Variants in THRB observed in about 807,000 individuals in gnomAD.
The protein encoded by THRB is thyroid hormone receptor beta.
In THRB, 12 loss-of-function variants were observed where a neutral mutation model predicts 47.8. The observed-to-expected ratio is 0.25, with a 90% CI of 0.16 to 0.41. The LOEUF is 0.41. Among genes scored for constraint, THRB ranks in the 10% least tolerant of loss-of-function variants. THRB has a pLI of 1.00. For missense variants in THRB, 348 were observed against 589.2 expected (o/e 0.59, Z 4.24); for synonymous variants, 218 against 212.2 (o/e 1.03, Z -0.24).
At chr3:24,245,142 G>A (rs1157716747) in intron 3 of THRB, among the ~76,000 whole-genome samples, 2 of 152,150 alleles carry the variant, frequency 1.3e-5, no homozygotes, top group African/African-American at 4.8e-5. Context: ...CTCCTGAGGA[G>A]GACACAGTCA....
At chr3:24,203,434 T>C (rs1445600841) in intron 4 of THRB, among the ~76,000 whole-genome samples, 2 of 152,096 alleles carry the variant, frequency 1.3e-5, no homozygotes, top group Admixed American at 6.5e-5. Context: ...AAGGACATTA[T>C]GTCTAAATGA....
intron 1 of THRB, among the ~76,000 whole-genome samples, chr3:24,353,718 G>A (rs781333097): frequency 6.6e-5 from 10 of 152,082 alleles, no homozygotes; most frequent in Middle Eastern, 3.4e-3. Flanking sequence ...GCAAACAAAG[G>A]AAAGAAAACT....
chr3:24,217,589 A>G (rs565107449), intron 4 of THRB, among the ~76,000 whole-genome samples: 1 of 152,218 alleles, frequency 6.6e-6, no homozygotes, highest in African/African-American at 2.4e-5. Context: ...ACAATTTGAC[A>G]CCAAGCAAGT....
At chr3:24,184,248 G>A (rs1482770025) in intron 5 of THRB, among the ~76,000 whole-genome samples, 1 of 152,154 alleles carries the variant, frequency 6.6e-6, no homozygotes, top group East Asian at 1.9e-4. Flanking sequence ...CATTTAGATC[G>A]CTTCCAGTTT....
rs76476220 is a variant in THRB at position 24,123,305 on chromosome 3, T to A, written c.1145-180A>T. Among the ~76,000 whole-genome samples the A allele has an allele frequency of 1.1e-3, 160 of 152,268 alleles. 4 individuals are homozygous for A. The East Asian group carries it at 0.02, about 19-fold the overall frequency. On this transcript the variant is annotated intron_variant, in intron 10 of 10. Transcript: ENST00000646209. Reference sequence around the variant, plus strand: ...ACCAGGTACCAGGGGAGTGGCATCATTTATATGAAGAGAGGCAGTACTTTG... The same window carrying A: ...ACCAGGTACCAGGGGAGTGGCATCAATTATATGAAGAGAGGCAGTACTTTG...
intron 3 of THRB, among the ~76,000 whole-genome samples, chr3:24,242,462 C>T (rs1410774584): frequency 2.0e-5 from 3 of 152,106 alleles, no homozygotes; most frequent in Admixed American, 6.5e-5. Flanking sequence ...GCCAGCAGCT[C>T]AGATATGCAA....
At chr3:24,360,594 C>A (rs1387254678) in intron 1 of THRB, among the ~76,000 whole-genome samples, 1 of 152,140 alleles carries the variant, frequency 6.6e-6, no homozygotes, top group Admixed American at 6.6e-5. Context: ...TGCCTGAGCA[C>A]CTTTTCTTCC....
rs528081434 is a variant in THRB, at chr3:24,121,749, G to A, written c.*1135C>T. ...GTCAGAGGGAAAAAGGGGACTAGGA[G>A]ACATTTGTCAATGAGGCAAGGAGCT... On this transcript the variant is annotated 3_prime_UTR_variant, in exon 11 of 11. Coordinates refer to ENST00000646209, the MANE Select transcript of THRB (RefSeq NM_001354712.2). The A allele has an allele frequency of 6.6e-6, 1 of 152,436 alleles. No individual in the cohort carries two copies. Among genetic ancestry groups the A allele is most frequent in the Non-Finnish European group, 1.5e-5 (1 of 68,082 alleles). 9.4% of individuals were successfully genotyped at this position (152,436 alleles called of 1,614,324 possible). A position where few individuals can be genotyped will look rare whatever the true frequency, so the allele number is the denominator to read the frequency against.
intron 2 of THRB, among the ~76,000 whole-genome samples, chr3:24,328,078 C>T (rs1022979444): frequency 1.3e-5 from 2 of 152,074 alleles, no homozygotes; most frequent in Admixed American, 1.3e-4. Flanking sequence ...GTAAAGTACA[C>T]ATTAAAGCAG....
chr3:24,173,170 G>A (rs1048772504), intron 5 of THRB, among the ~76,000 whole-genome samples: 6 of 152,108 alleles, frequency 3.9e-5, no homozygotes, highest in African/African-American at 1.4e-4. Flanking sequence ...GCCCTCCAGG[G>A]GATTCTGATA....
intron 8 of THRB, among the ~76,000 whole-genome samples, chr3:24,136,159 A>T (rs1017941906): frequency 7.9e-5 from 12 of 152,170 alleles, no homozygotes; most frequent in African/African-American, 2.9e-4. Flanking sequence ...GAAATATGGC[A>T]ATTTTAAGTA....
At chr3:24,143,395 TA>T in intron 8 of THRB, 105 bp downstream of exon 8, 1 of 1,140,860 alleles carries the variant, frequency 8.8e-7, no homozygotes, top group Non-Finnish European at 1.3e-6. Flanking sequence ...TCCCTATCAG[TA>T]AAATGAGGCA....
Position 24,174,297 on chromosome 3 carries a change from G to A in THRB, c.283+15777C>T, listed in dbSNP as rs62255850. 6.6e-3 allele frequency among the ~76,000 whole-genome samples: 1,006 copies of A among 152,242 alleles called. 12 individuals carry two copies. The highest frequency in any genetic ancestry group is 0.061 in the South Asian group (294 of 4,820). On this transcript the variant is annotated intron_variant, in intron 5 of 10. Coordinates refer to ENST00000646209, the MANE Select transcript of THRB (RefSeq NM_001354712.2). Reference sequence around the variant, plus strand: ...TAGAAATTACATACTTGGACTTTTCGTTACAGCTTGCTTATCTCTCTGTAG... The same window carrying A: ...TAGAAATTACATACTTGGACTTTTCATTACAGCTTGCTTATCTCTCTGTAG...
chr3:24,184,768 T>C (rs1044614322), intron 5 of THRB, among the ~76,000 whole-genome samples: 3 of 152,132 alleles, frequency 2.0e-5, no homozygotes, highest in Admixed American at 2.0e-4. Flanking sequence ...CAGATCCTGA[T>C]GTATGATGAG....
chr3:24,303,422 A>G (rs1213552957), intron 2 of THRB, among the ~76,000 whole-genome samples: 1 of 152,104 alleles, frequency 6.6e-6, no homozygotes, highest in Non-Finnish European at 1.5e-5. Context: ...TATGTTGTGG[A>G]GTTTTTCCAA....
rs1575863397 is a variant in THRB, at chr3:24,206,358, C to CAT, written c.23-16025_23-16024insAT. ...CAGGATTAAGAAACTCACTCAAAAC[C>CAT]GCTCAACTACATGGAAACTGAACAA... On this transcript the variant is annotated intron_variant, in intron 4 of 10. Coordinates refer to ENST00000646209, the MANE Select transcript of THRB (RefSeq NM_001354712.2). 3.3e-5 allele frequency among the ~76,000 whole-genome samples: 5 copies of CAT among 152,214 alleles called. No homozygotes were observed. The East Asian group carries it at 9.6e-4, about 29-fold the overall frequency.
At chr3:24,337,446 CTG>C (rs1274677980) in intron 1 of THRB, 75 bp from the exon 2 acceptor site, 1 of 152,194 alleles carries the variant, frequency 6.6e-6, no homozygotes, top group Non-Finnish European at 1.5e-5. Flanking sequence ...TAATCTACAA[CTG>C]TTCTTATTTC....
At chr3:24,170,233 C>T (rs1206475238) in intron 5 of THRB, among the ~76,000 whole-genome samples, 1 of 152,156 alleles carries the variant, frequency 6.6e-6, no homozygotes, top group African/African-American at 2.4e-5. Flanking sequence ...CTTCCCTTCA[C>T]TACCTAAATC....
intron 1 of THRB, among the ~76,000 whole-genome samples, chr3:24,433,994 G>C (rs182538703): frequency 2.0e-5 from 3 of 147,472 alleles, no homozygotes; most frequent in South Asian, 4.4e-4. Context: ...TGCTTACTTA[G>C]GTAGTCCAAT....
Sources: allele counts gnomAD v4.1 joint callset (sites outside exome capture counted in the v4.1 genomes callset), GRCh38; gene constraint gnomAD v4.1.1; transcripts MANE v1.5; gene names NCBI Gene and HGNC (gene_info 2026-07-23, HGNC 2026-07-21).